The following TIAM1 variants were observed in gnomAD, a reference collection of about 807,000 sequenced individuals.
TIAM1 encodes TIAM Rac1 associated GEF 1.
A neutral mutation model predicts 163.5 loss-of-function variants in TIAM1; 65 were observed. The observed-to-expected ratio is 0.40, with a 90% confidence interval of 0.33 to 0.49. The LOEUF (loss-of-function observed/expected upper bound fraction) is 0.49, where lower values mean the gene tolerates loss of function less well. TIAM1 is among the 20% of genes least tolerant of loss of function. The probability of loss-of-function intolerance (pLI) is 0.77; values close to 1 mark genes in which losing one functional copy is unlikely to be tolerated. For missense variants in TIAM1, 1,789 were observed against 2,044.7 expected, an observed-to-expected ratio of 0.87 and a Z score of 2.41; for synonymous variants, 833 against 810.1, an observed-to-expected ratio of 1.03 and a Z score of -0.48.
intron 2 of TIAM1, among the ~76,000 whole-genome samples, chr21:31,403,389 C>T (rs1406399961): frequency 6.6e-6 from 1 of 152,124 alleles, no homozygotes; most frequent in African/African-American, 2.4e-5. Context: ...CCTCGTGATC[C>T]GCCCGCCTAG....
At chr21:31,435,928 C>T (rs939885829) in intron 2 of TIAM1, among the ~76,000 whole-genome samples, 1 of 152,144 alleles carries the variant, frequency 6.6e-6, no homozygotes, top group African/African-American at 2.4e-5. Flanking sequence ...CCAGATGCAG[C>T]CCCTTGATCT....
rs1026199534 is a variant in TIAM1 at position 31,120,135 on chromosome 21, A to G, written c.*233T>C. On this transcript the variant is annotated 3_prime_UTR_variant, in exon 28 of 28. Transcript: ENST00000541036. The surrounding 1 kb of genome is among the most constrained non-coding windows in gnomAD (Gnocchi z 4.2). ...TTATTGAGAATAAATAAAAGCCCTTAGTAATATACAGAAGATAGGACTCAA... is the reference window on the plus strand; with the variant it reads ...TTATTGAGAATAAATAAAAGCCCTTGGTAATATACAGAAGATAGGACTCAA... The G allele has an allele frequency of 2.1e-6, 1 of 474,880 alleles. No homozygotes were observed. Among genetic ancestry groups the G allele is most frequent in the African/African-American group, 2.0e-5 (1 of 51,042 alleles). The allele number at this position is 474,880 out of a possible 1,614,324, so 29.4% of individuals were successfully genotyped here.
intron 2 of TIAM1, among the ~76,000 whole-genome samples, chr21:31,437,641 C>T (rs1327771010): frequency 6.6e-6 from 1 of 152,030 alleles, no homozygotes; most frequent in Non-Finnish European, 1.5e-5. Context: ...GGTGGACATC[C>T]CCCTTGTTGT....
At chr21:31,131,044 A>T (rs2146235461) in intron 23 of TIAM1, 96 bp from the exon 24 acceptor site, 1 of 1,011,464 alleles carries the variant, frequency 9.9e-7, no homozygotes, top group African/African-American at 1.6e-5. Context: ...ACAGTTATGA[A>T]GAGGACGTTG....
rs781153297 is a variant in TIAM1 at position 31,181,756 on chromosome 21, C to CTTTTTTTTTTTTTTT, written c.2887+650_2887+664dup. On this transcript the variant is annotated intron_variant, in intron 15 of 27. Coordinates refer to ENST00000541036, the MANE Select transcript of TIAM1 (RefSeq NM_001353694.2). ...CCCAGCACTTCTTCTTCTTCTTCTT[C>CTTTTTTTTTTTTTTT]TTTTTTTTTTTTTTTTTTTTTTTTT... Among the ~76,000 whole-genome samples the CTTTTTTTTTTTTTTT allele has an allele frequency of 2.9e-4, 12 of 41,344 alleles. 5 individuals carry two copies. The highest frequency in any genetic ancestry group is 1.0e-3 in the Admixed American group (3 of 3,010). 27.1% of individuals were successfully genotyped at this position (41,344 alleles called of 152,430 possible). A position where few individuals can be genotyped will look rare whatever the true frequency, so the allele number is the denominator to read the frequency against.
At chr21:31,410,541 A>G (rs1039220565) in intron 2 of TIAM1, among the ~76,000 whole-genome samples, 2 of 150,536 alleles carry the variant, frequency 1.3e-5, no homozygotes, top group South Asian at 2.1e-4. Context: ...GAGTTTATGT[A>G]TAAGTGTGAG....
chr21:31,552,807 G>A lies in TIAM1; in HGVS notation c.-422+6120C>T, dbSNP rs1412602992. ...AAAGAGAGAGAATAAGAAACCTGTTGAAAGTCCCTACCACACCACATGTAG... is the reference window on the plus strand; with the variant it reads ...AAAGAGAGAGAATAAGAAACCTGTTAAAAGTCCCTACCACACCACATGTAG... On this transcript the variant is annotated intron_variant, in intron 1 of 28. Coordinates refer to the TIAM1 transcript ENST00000286827. Among the ~76,000 whole-genome samples the A allele has an allele frequency of 2.0e-5, 3 of 152,254 alleles. No individual in the cohort carries two copies. In the South Asian group the frequency reaches 6.2e-4, roughly 32 times the overall value.
chr21:31,522,039 T>G (rs893067763), intron 1 of TIAM1, among the ~76,000 whole-genome samples: 26 of 151,408 alleles, frequency 1.7e-4, no homozygotes, highest in African/African-American at 6.1e-4. Flanking sequence ...GCCCGGATAA[T>G]TTTTTGTATT....
chr21:31,365,762 C>CCTGAATAT lies in TIAM1; in HGVS notation c.-368-26341_-368-26340insATATTCAG, dbSNP rs1286898620. On this transcript the variant is annotated intron_variant, in intron 2 of 28. Coordinates refer to the TIAM1 transcript ENST00000286827. ...CATAACAGGTGCTTGAGAGATATTC[C>CCTGAATAT]CTGAATCAAACCATATTCCCCAACA... Among the ~76,000 whole-genome samples the CCTGAATAT allele has an allele frequency of 7.9e-5, 12 of 152,034 alleles. No homozygotes were observed. In the East Asian group the frequency reaches 2.3e-3, roughly 30 times the overall value.
At chr21:31,466,520 G>C (rs1187421628) in intron 1 of TIAM1, among the ~76,000 whole-genome samples, 1 of 152,164 alleles carries the variant, frequency 6.6e-6, no homozygotes, top group African/African-American at 2.4e-5. Context: ...AGCTGAGAAG[G>C]GGGCTCAGAG....
chr21:31,317,344 C>G (rs910834698), intron 2 of TIAM1, among the ~76,000 whole-genome samples: 1 of 152,110 alleles, frequency 6.6e-6, no homozygotes, highest in East Asian at 1.9e-4. Context: ...ATCCCAGCTA[C>G]GCGGGAGGCT....
At chr21:31,183,696 A>T (rs1395734961) in intron 14 of TIAM1, among the ~76,000 whole-genome samples, 13 of 140,784 alleles carry the variant, frequency 9.2e-5, no homozygotes, top group South Asian at 2.3e-4. Flanking sequence ...ATCTGAAATC[A>T]TTTTTTTTTT....
At chr21:31,504,724 G>A (rs1253632812) in intron 1 of TIAM1, among the ~76,000 whole-genome samples, 3 of 152,130 alleles carry the variant, frequency 2.0e-5, no homozygotes, top group Admixed American at 6.6e-5. Flanking sequence ...TCTACGTTCA[G>A]ATCCCAAGTC....
intron 2 of TIAM1, among the ~76,000 whole-genome samples, chr21:31,409,948 A>C (rs1026988060): frequency 6.6e-6 from 1 of 150,948 alleles, no homozygotes; most frequent in Non-Finnish European, 1.5e-5. Flanking sequence ...CTGGCTGTTG[A>C]TTCCTTTGAG....
intron 12 of TIAM1, among the ~76,000 whole-genome samples, chr21:31,200,305 C>A (rs2086127986): frequency 6.6e-6 from 1 of 151,860 alleles, no homozygotes; most frequent in African/African-American, 2.4e-5. Context: ...CCACTGCACT[C>A]CAGACTGGGC....
At chr21:31,192,072 T>C (rs554383270) in intron 13 of TIAM1, among the ~76,000 whole-genome samples, 31 of 152,346 alleles carry the variant, frequency 2.0e-4, no homozygotes, top group Non-Finnish European at 1.3e-4. Flanking sequence ...AAGCCGCTCA[T>C]AAACATTTAT....
intron 2 of TIAM1, among the ~76,000 whole-genome samples, chr21:31,311,877 C>G (rs2146991618): frequency 6.6e-6 from 1 of 152,290 alleles, no homozygotes; most frequent in South Asian, 2.1e-4. Flanking sequence ...GGGTGGGCAT[C>G]ATCTAATCAG....
chr21:31,315,721 A>G (rs1601933803), intron 2 of TIAM1, among the ~76,000 whole-genome samples: 1 of 145,558 alleles, frequency 6.9e-6, no homozygotes. Context: ...GTGGCTCACT[A>G]CTGTAATCCC....
chr21:31,188,948 C>A (rs981422421), intron 13 of TIAM1, among the ~76,000 whole-genome samples: 6 of 150,258 alleles, frequency 4.0e-5, no homozygotes, highest in African/African-American at 1.5e-4. Context: ...TGGAAGATGG[C>A]AGGAGAGGCA....
Sources: allele counts gnomAD v4.1 joint callset (sites outside exome capture counted in the v4.1 genomes callset), GRCh38; gene constraint gnomAD v4.1.1; non-coding constraint Gnocchi (gnomAD v3.1); transcripts MANE v1.5; gene names NCBI Gene and HGNC (gene_info 2026-07-23, HGNC 2026-07-21).